SCN2A: variants seen among roughly 807,000 people sequenced by gnomAD.
SCN2A encodes sodium channel protein type 2 subunit alpha.
SCN2A carries 20 observed loss-of-function variants against 188.7 expected under a neutral mutation model. That is an observed-to-expected ratio of 0.11 (90% CI 0.07 to 0.15). SCN2A has a LOEUF of 0.15. Among genes scored for constraint, SCN2A ranks in the 10% least tolerant of loss-of-function variants. SCN2A has a pLI of 1.00. For synonymous variants in SCN2A, 804 were observed against 833.1 expected, an observed-to-expected ratio of 0.97 and a Z score of 0.60; for missense variants, 1,278 against 2,445.0, an observed-to-expected ratio of 0.52 and a Z score of 10.07.
intron 16 of SCN2A, 130 bp downstream of exon 16, chr2:165,345,041 T>C: frequency 8.7e-7 from 1 of 1,147,498 alleles, no homozygotes; most frequent in Non-Finnish European, 1.3e-6. Flanking sequence ...CTCATGACTG[T>C]AAGAGCCATG....
Position 165,390,646 on chromosome 2 carries a change from G to A in SCN2A, c.*822G>A, listed in dbSNP as rs1475572323. 1 of 151,650 alleles carries A rather than the reference G, an allele frequency of 6.6e-6. No individual in the cohort carries two copies. Among genetic ancestry groups the A allele is most frequent in the African/African-American group, 2.4e-5 (1 of 41,130 alleles). The allele number at this position is 151,650 out of a possible 1,614,324, so 9.4% of individuals were successfully genotyped here. A position where few individuals can be genotyped will look rare whatever the true frequency, so the allele number is the denominator to read the frequency against. ...TATGTGCGTGTATATACATATATATGTATACACACATGCACACACAGAGAT... is the reference window on the plus strand; with the variant it reads ...TATGTGCGTGTATATACATATATATATATACACACATGCACACACAGAGAT... On this transcript the variant is annotated 3_prime_UTR_variant, in exon 27 of 27. Transcript: ENST00000375437.
At chr2:165,339,955 A>G (rs1303202030) in intron 14 of SCN2A, among the ~76,000 whole-genome samples, 3 of 152,254 alleles carry the variant, frequency 2.0e-5, no homozygotes, top group East Asian at 1.9e-4. Flanking sequence ...AAAGATATCA[A>G]TGGAACATAA....
chr2:165,263,433 A>G (rs1230074725), intron 1 of SCN2A, among the ~76,000 whole-genome samples: 1 of 152,146 alleles, frequency 6.6e-6, no homozygotes, highest in African/African-American at 2.4e-5. Flanking sequence ...ATCCAGTTTC[A>G]TTCTCCTACA....
chr2:165,328,143 CATA>C (rs1352485983), intron 13 of SCN2A: 3 of 152,128 alleles, frequency 2.0e-5, no homozygotes, highest in African/African-American at 7.2e-5. Context: ...GCAAAGATCC[CATA>C]ATATTATTAA....
intron 14 of SCN2A, among the ~76,000 whole-genome samples, chr2:165,339,236 A>G (rs1699180200): frequency 6.6e-6 from 1 of 151,890 alleles, no homozygotes; most frequent in African/African-American, 2.4e-5. Context: ...CTCAAAAAAA[A>G]AAAAAGAAAA....
intron 1 of SCN2A, among the ~76,000 whole-genome samples, chr2:165,291,491 T>TTTCTTTCTTTC (rs1389976633): frequency 7.7e-5 from 3 of 38,858 alleles, no homozygotes; most frequent in Admixed American, 3.5e-4. Context: ...TCTTTCTTTC[T>TTTCTTTCTTTC]TTTCTTTCTT....
intron 1 of SCN2A, among the ~76,000 whole-genome samples, chr2:165,293,487 T>C (rs186656312): frequency 2.2e-4 from 33 of 152,306 alleles, no homozygotes; most frequent in Admixed American, 9.1e-4. Context: ...GTTACTGTAC[T>C]GAATACTACA....
At chr2:165,268,316 C>T (rs1694962874) in intron 1 of SCN2A, 1 of 151,780 alleles carries the variant, frequency 6.6e-6, no homozygotes, top group African/African-American at 2.4e-5. Flanking sequence ...AATCCAAGGG[C>T]ATATAAAAAA....
At chr2:165,260,737 C>T (rs538541529) in intron 1 of SCN2A, among the ~76,000 whole-genome samples, 33 of 151,976 alleles carry the variant, frequency 2.2e-4, no homozygotes, top group African/African-American at 8.0e-4. Flanking sequence ...GAGGCTGAGG[C>T]GGGTGCATCG....
intron 1 of SCN2A, chr2:165,293,706 A>G (rs1435331817): frequency 2.6e-6 from 1 of 377,700 alleles, no homozygotes; most frequent in Non-Finnish European, 3.6e-6. Context: ...TTTCTGACAT[A>G]GCAAATAAAA....
At chr2:165,351,419 C>T (rs1476891271) in intron 16 of SCN2A, among the ~76,000 whole-genome samples, 2 of 152,086 alleles carry the variant, frequency 1.3e-5, no homozygotes, top group Non-Finnish European at 2.9e-5. Flanking sequence ...ATCAGAGAAA[C>T]AATTCGAAAA....
At chr2:165,292,392 A>G (rs529482847) in intron 1 of SCN2A, among the ~76,000 whole-genome samples, 5 of 152,212 alleles carry the variant, frequency 3.3e-5, no homozygotes, top group African/African-American at 1.2e-4. Flanking sequence ...ATATTGCATG[A>G]TGCCAAAGTT....
chr2:165,380,790 C>T, intron 24 of SCN2A, 61 bp downstream of exon 24: 1 of 1,302,042 alleles, frequency 7.7e-7, no homozygotes, highest in South Asian at 1.3e-5. Flanking sequence ...CATACTCTTT[C>T]CTTTAGCCTC....
intron 1 of SCN2A, among the ~76,000 whole-genome samples, chr2:165,263,973 C>T (rs1442654650): frequency 6.6e-6 from 1 of 151,732 alleles, no homozygotes; most frequent in African/African-American, 2.4e-5. Flanking sequence ...AGCAGAGCTA[C>T]TGAGTTGGGT....
intron 19 of SCN2A, 46 bp from the exon 20 acceptor site, chr2:165,370,080 A>G (rs759088434): frequency 2.0e-6 from 3 of 1,528,582 alleles, no homozygotes; most frequent in African/African-American, 2.7e-5. Flanking sequence ...CATCAATTAG[A>G]GACTGTTTCT....
At chr2:165,374,604 C>G in intron 21 of SCN2A, 81 bp from the exon 22 acceptor site, 1 of 1,451,450 alleles carries the variant, frequency 6.9e-7, no homozygotes, top group Non-Finnish European at 9.6e-7. Context: ...AATCATTTGA[C>G]TGTTCTTTTA....
chr2:165,308,624 AACC>A, intron 4 of SCN2A, 39 bp from the exon 5 acceptor site: 2 of 1,600,338 alleles, frequency 1.2e-6, no homozygotes, highest in Non-Finnish European at 1.7e-6. Flanking sequence ...CTTGTAAATT[AACC>A]ACTAGATTTT....
chr2:165,323,617 T>A (rs1698183107), intron 12 of SCN2A, 117 bp downstream of exon 12: 2 of 968,046 alleles, frequency 2.1e-6, no homozygotes, highest in Non-Finnish European at 3.2e-6. Flanking sequence ...AGGCTGGGAG[T>A]TTGTTCAATC....
In SCN2A at chr2:165,377,578, G is replaced by T. The variant is rs1349486289; in HGVS notation, c.4255-19G>T. 2 of 1,593,120 alleles carry T rather than the reference G, an allele frequency of 1.3e-6. No individual in the cohort carries two copies. The highest frequency in any genetic ancestry group is 1.3e-5 in the African/African-American group (1 of 74,456). On this transcript the variant is annotated intron_variant, in intron 22 of 26. Transcript: ENST00000375437. Reference sequence around the variant, plus strand: ...TTATAATTTTGGGAAAAAAGAAAATGATATGACTTTTCTTACAGGCCACGT... The same window carrying T: ...TTATAATTTTGGGAAAAAAGAAAATTATATGACTTTTCTTACAGGCCACGT...
Sources: gnomAD v4.1 joint callset for allele counts (sites outside exome capture counted in the v4.1 genomes callset) on GRCh38, gnomAD v4.1.1 for gene constraint, MANE v1.5 for transcripts, NCBI Gene and HGNC (gene_info 2026-07-23, HGNC 2026-07-21) for gene names.